The following PRKAG2 variants were observed in gnomAD, a reference collection of about 807,000 sequenced individuals.
The protein encoded by PRKAG2 is 5'-AMP-activated protein kinase subunit gamma-2.
In PRKAG2, 26 loss-of-function variants were observed where a neutral mutation model predicts 69.6. The ratio of observed to expected loss-of-function variants is 0.37; its 90% CI spans 0.27 to 0.52. The LOEUF is 0.52. Among genes scored for constraint, PRKAG2 ranks in the 20% least tolerant of loss-of-function variants. The probability of loss-of-function intolerance (pLI) is 0.90; values close to 1 mark genes in which losing one functional copy is unlikely to be tolerated. For synonymous variants in PRKAG2, 293 were observed against 285.0 expected (o/e 1.03, Z -0.28); for missense variants, 557 against 740.0 (o/e 0.75, Z 2.87).
chr7:151,736,199 C>T (rs1799771592), intron 3 of PRKAG2: 4 of 1,408,872 alleles, frequency 2.8e-6, no homozygotes, highest in South Asian at 1.5e-5. Flanking sequence ...CTCACCGCAG[C>T]CCCAGAGTCT....
intron 3 of PRKAG2, among the ~76,000 whole-genome samples, chr7:151,726,762 G>A (rs147530608): frequency 1.3e-5 from 2 of 152,296 alleles, no homozygotes; most frequent in African/African-American, 4.8e-5. Flanking sequence ...GTAGCTGGGA[G>A]AGAGTATGGG....
intron 4 of PRKAG2, among the ~76,000 whole-genome samples, chr7:151,651,569 T>C (rs1238011373): frequency 6.6e-6 from 1 of 152,148 alleles, no homozygotes; most frequent in Non-Finnish European, 1.5e-5. Context: ...ATTGCGCCAC[T>C]GCACTCCAGC....
intron 3 of PRKAG2, among the ~76,000 whole-genome samples, chr7:151,755,680 T>G (rs899354530): frequency 6.6e-6 from 1 of 152,220 alleles, no homozygotes; most frequent in East Asian, 1.9e-4. Context: ...GCTTCGTAGT[T>G]GCAAAAGAGA....
rs34768438 is a variant in PRKAG2, at chr7:151,857,129, GAA to G, written c.114+19376_114+19377del. The stretch of plus-strand genomic sequence containing the variant: ...ATTAGGCAAGGGCTGATCATTGCTG[GAA>G]AAAAAAAAAAAAAAAGCCCACAGGG... On this transcript the variant is annotated intron_variant, in intron 1 of 15. Coordinates refer to ENST00000287878, the MANE Select transcript of PRKAG2 (RefSeq NM_016203.4). Among the ~76,000 whole-genome samples, 1,222 of 122,676 alleles carry G rather than the reference GAA, an allele frequency of 1.0e-2. 23 individuals carry two copies. The highest frequency in any genetic ancestry group is 0.036 in the African/African-American group (1,173 of 32,180). The allele number at this position is 122,676 out of a possible 152,430, so 80.5% of individuals were successfully genotyped here.
intron 5 of PRKAG2, among the ~76,000 whole-genome samples, chr7:151,615,722 AAATC>A (rs2151242377): frequency 6.6e-6 from 1 of 152,346 alleles, no homozygotes; most frequent in South Asian, 2.1e-4. Flanking sequence ...TGACAAGAAA[AAATC>A]AAACAACCCA....
At chr7:151,630,939 T>C (rs1824258208) in intron 5 of PRKAG2, among the ~76,000 whole-genome samples, 1 of 152,246 alleles carries the variant, frequency 6.6e-6, no homozygotes, top group African/African-American at 2.4e-5. Context: ...ACAATGACTA[T>C]GAACGCGTTC....
At chr7:151,747,430 G>T (rs977303916) in intron 3 of PRKAG2, among the ~76,000 whole-genome samples, 12 of 152,174 alleles carry the variant, frequency 7.9e-5, no homozygotes, top group African/African-American at 2.4e-4. Flanking sequence ...GGTGGCGGGC[G>T]CCTGTAATCC....
At position 151,742,127 on chromosome 7, in the gene PRKAG2, T is replaced by G. The variant is rs187642049; in HGVS notation, c.466+39025A>C. On this transcript the variant is annotated intron_variant, in intron 3 of 15. Coordinates refer to ENST00000287878, the MANE Select transcript of PRKAG2 (RefSeq NM_016203.4). ...GAGAGAAGATGGACTTGTCCCCTCA[T>G]GTGGACCCGATTCCCAAATTCACAT... Among the ~76,000 whole-genome samples, 400 of 152,298 alleles carry G rather than the reference T, an allele frequency of 2.6e-3. 3 individuals carry two copies. The highest frequency in any genetic ancestry group is 6.8e-3 in the Middle Eastern group (2 of 294).
At chr7:151,648,265 G>A (rs1827887357) in intron 4 of PRKAG2, among the ~76,000 whole-genome samples, 1 of 152,124 alleles carries the variant, frequency 6.6e-6, no homozygotes, top group African/African-American at 2.4e-5. Context: ...AAACCCCCAA[G>A]TCTTCCCTTA....
At chr7:151,635,860 C>T (rs1563315786) in intron 4 of PRKAG2, among the ~76,000 whole-genome samples, 2 of 148,752 alleles carry the variant, frequency 1.3e-5, no homozygotes, top group African/African-American at 5.0e-5. Context: ...GAGGAAATGA[C>T]AATAAATTTT....
chr7:151,661,409 C>A (rs1860731), intron 4 of PRKAG2, among the ~76,000 whole-genome samples: 92,595 of 151,946 alleles, frequency 0.61, 28,445 homozygotes, highest in African/African-American at 0.67. Context: ...AACTCCTGAC[C>A]TCATATGATC....
chr7:151,632,052 G>T lies in PRKAG2; in HGVS notation c.754+17C>A, dbSNP rs772286759. 1 of 1,363,744 alleles carries T rather than the reference G, an allele frequency of 7.3e-7. No homozygotes were observed. The highest frequency in any genetic ancestry group is 1.6e-5 in the South Asian group (1 of 61,668). The allele number at this position is 1,363,744 out of a possible 1,614,324, so 84.5% of individuals were successfully genotyped here. ...GCCGTGGGAGCGCCGGGCCGGCAGCGGGCGGGGCGCACTCACCTTCGTCCT... is the reference window on the plus strand; with the variant it reads ...GCCGTGGGAGCGCCGGGCCGGCAGCTGGCGGGGCGCACTCACCTTCGTCCT... On this transcript the variant is annotated intron_variant, in intron 5 of 15. Transcript: ENST00000287878. The surrounding 1 kb of genome is among the most constrained non-coding windows in gnomAD (Gnocchi z 4.2).
intron 5 of PRKAG2, among the ~76,000 whole-genome samples, chr7:151,605,373 C>A (rs1464940073): frequency 6.6e-6 from 1 of 151,532 alleles, no homozygotes; most frequent in Non-Finnish European, 1.5e-5. Context: ...ATGTGTAAAA[C>A]CAGTTAAAAA....
Position 151,570,469 on chromosome 7 carries a change from G to A in PRKAG2, c.1052-244C>T, listed in dbSNP as rs114431229. ...TTAAATATTAAAAAACAATGTGACA[G>A]TAAGTGTTTATAAAATCAGGAAAAA... On this transcript the variant is annotated intron_variant, in intron 9 of 15. Coordinates refer to ENST00000287878, the MANE Select transcript of PRKAG2 (RefSeq NM_016203.4). 8.8e-3 allele frequency among the ~76,000 whole-genome samples: 1,344 copies of A among 152,260 alleles called. 16 individuals are homozygous for A. Among genetic ancestry groups the A allele is most frequent in the African/African-American group, 0.03 (1,241 of 41,554 alleles).
chr7:151,653,883 G>A (rs1828970364), intron 4 of PRKAG2, among the ~76,000 whole-genome samples: 1 of 152,138 alleles, frequency 6.6e-6, no homozygotes, highest in African/African-American at 2.4e-5. Context: ...ACGTCTCGCT[G>A]CAGATAAGCC....
intron 6 of PRKAG2, among the ~76,000 whole-genome samples, chr7:151,578,603 C>T (rs910120546): frequency 6.6e-5 from 10 of 152,250 alleles, no homozygotes; most frequent in South Asian, 6.2e-4. Flanking sequence ...ACCCGTCCAG[C>T]GCTGAGTCCT....
intron 4 of PRKAG2, among the ~76,000 whole-genome samples, chr7:151,673,657 A>G (rs1832422142): frequency 6.6e-6 from 1 of 152,196 alleles, no homozygotes; most frequent in Non-Finnish European, 1.5e-5. Flanking sequence ...TGTTCTCAGC[A>G]TGGCAACGCA....
intron 1 of PRKAG2, among the ~76,000 whole-genome samples, chr7:151,816,047 T>C (rs1384133077): frequency 6.6e-6 from 1 of 152,118 alleles, no homozygotes; most frequent in African/African-American, 2.4e-5. Flanking sequence ...CAGGAAGGCT[T>C]CCTAGAGGGG....
rs757187996 is a variant in PRKAG2 at position 151,788,836 on chromosome 7, G to A, written c.115-2295C>T. On this transcript the variant is annotated intron_variant, in intron 1 of 15. Transcript: ENST00000287878. The surrounding 1 kb of genome is among the most constrained non-coding windows in gnomAD (Gnocchi z 4.6). ...GTAAATTTTTGTATATGGTATAAAC[G>A]TAAGGGTGCAATTTCATTCTTTTAC... 3.3e-5 allele frequency among the ~76,000 whole-genome samples: 5 copies of A among 152,122 alleles called. No individual in the cohort carries two copies. Among genetic ancestry groups the A allele is most frequent in the Non-Finnish European group, 5.9e-5 (4 of 68,030 alleles).
Sources: gnomAD v4.1 joint callset for allele counts (sites outside exome capture counted in the v4.1 genomes callset) on GRCh38, gnomAD v4.1.1 for gene constraint, Gnocchi (gnomAD v3.1) non-coding constraint, MANE v1.5 for transcripts, NCBI Gene and HGNC (gene_info 2026-07-23, HGNC 2026-07-21) for gene names.